The following TNNT2 variants were observed in gnomAD, a reference collection of about 807,000 sequenced individuals.
The protein encoded by TNNT2 is troponin T2, cardiac type, also known as troponin T, cardiac muscle.
A neutral mutation model predicts 62.4 loss-of-function variants in TNNT2; 34 were observed. That is an observed-to-expected ratio of 0.54 (90% confidence interval 0.41 to 0.72). TNNT2 has a LOEUF of 0.72. Among genes scored for constraint, TNNT2 ranks in the 30% least tolerant of loss-of-function variants. The probability of loss-of-function intolerance (pLI) is 0.00; values close to 1 mark genes in which losing one functional copy is unlikely to be tolerated. For synonymous variants in TNNT2, 123 were observed against 127.2 expected (o/e 0.97, Z 0.22); for missense variants, 275 against 381.9 (o/e 0.72, Z 2.33).
chr1:201,369,962 G>T, intron 4 of TNNT2, 117 bp from the exon 5 acceptor site: 1 of 1,163,972 alleles, frequency 8.6e-7, no homozygotes, highest in Non-Finnish European at 1.3e-6. Flanking sequence ...TGTGGGCTTT[G>T]GAGTTAGGCC....
intron 8 of TNNT2, chr1:201,366,536 G>T: frequency 1.6e-6 from 2 of 1,279,184 alleles, no homozygotes; most frequent in Non-Finnish European, 2.0e-6. Context: ...ATGGAGGAGG[G>T]TGTTCTGGCC....
chr1:201,366,279 G>A, intron 8 of TNNT2: 1 of 1,024,452 alleles, frequency 9.8e-7, no homozygotes, highest in Non-Finnish European at 1.2e-6. Context: ...AATGGGAAGA[G>A]CCTGTGAGTG....
rs1297943105 is a variant in TNNT2, at chr1:201,361,458, C to T, written c.720-89G>A. The T allele has an allele frequency of 3.2e-6, 4 of 1,241,430 alleles. No individual in the cohort carries two copies. The African/African-American group carries it at 4.4e-5, about 14-fold the overall frequency. 76.9% of individuals were successfully genotyped at this position (1,241,430 alleles called of 1,614,324 possible). Reference sequence around the variant, plus strand: ...TGGTCCCGGCCCAGCCCCCAGCATCCCAGCCCTCCTTCCCACCTCCAGGCC... The same window carrying T: ...TGGTCCCGGCCCAGCCCCCAGCATCTCAGCCCTCCTTCCCACCTCCAGGCC... On this transcript the variant is annotated intron_variant, in intron 14 of 16. Transcript: ENST00000656932.
chr1:201,375,184 C>A (rs1291179107), intron 1 of TNNT2: 2 of 152,278 alleles, frequency 1.3e-5, no homozygotes, highest in Non-Finnish European at 1.5e-5. Flanking sequence ...GGGGTGATGT[C>A]CAGAGGCTGA....
chr1:201,367,820 G>A lies in TNNT2; in HGVS notation c.164-14C>T, dbSNP rs778709814. On this transcript the variant is annotated splice_polypyrimidine_tract_variant and intron_variant, in intron 6 of 16. Transcript: ENST00000656932. ...CTTCTTCATCTTCTAAATGAAACAC[G>A]AGAAATCAATCAAGGTCCTTGTTCT... The A allele has an allele frequency of 1.2e-5, 19 of 1,613,874 alleles. No individual in the cohort carries two copies. Among genetic ancestry groups the A allele is most frequent in the Admixed American group, 3.3e-5 (2 of 59,998 alleles).
chr1:201,362,425 A>G, intron 12 of TNNT2, 31 bp from the exon 13 acceptor site: 3 of 1,613,032 alleles, frequency 1.9e-6, no homozygotes, highest in South Asian at 1.1e-5. Flanking sequence ...AGAGAGGCCC[A>G]TAGAAAAAGA....
At position 201,366,766 on chromosome 1, in the gene TNNT2, C is replaced by T. The variant is rs1659729062; in HGVS notation, c.233+72G>A. 8 of 1,613,030 alleles carry T rather than the reference C, an allele frequency of 5.0e-6. No homozygotes were observed. In the East Asian group the frequency reaches 1.8e-4, roughly 36 times the overall value. ...AGCCCGTGTCCACTGCACCATACTG[C>T]ACCCCGTTCCATCATCATCCTCTCT... On this transcript the variant is annotated intron_variant, in intron 8 of 16. Coordinates refer to ENST00000656932, the MANE Select transcript of TNNT2 (RefSeq NM_001276345.2).
intron 8 of TNNT2, 40 bp from the exon 9 acceptor site, chr1:201,365,710 G>C: frequency 6.2e-7 from 1 of 1,609,084 alleles, no homozygotes; most frequent in Non-Finnish European, 8.5e-7. Context: ...CCCCATTCTG[G>C]ACCCAGGGAC....
Position 201,367,526 on chromosome 1 carries a change from C to A in TNNT2, c.199+245G>T, listed in dbSNP as rs527874799. On this transcript the variant is annotated intron_variant, in intron 7 of 16. Transcript: ENST00000656932. ...CTGGGTCCCATTGCTCTGTCCAGAC[C>A]AGGGGGCTGGACAATGGTCCCCTCT... 443 of 616,374 alleles carry A rather than the reference C, an allele frequency of 7.2e-4. 1 individual carries two copies. In the African/African-American group the frequency reaches 7.4e-3, roughly 10 times the overall value. 38.2% of individuals were successfully genotyped at this position (616,374 alleles called of 1,614,324 possible).
At chr1:201,369,997 C>A in intron 4 of TNNT2, 152 bp from the exon 5 acceptor site, 1 of 818,056 alleles carries the variant, frequency 1.2e-6, no homozygotes. Context: ...CAAGCCACTA[C>A]TTTCCAGCAA....
chr1:201,359,357 C>T, intron 16 of TNNT2, 102 bp from the exon 17 acceptor site: 1 of 1,421,692 alleles, frequency 7.0e-7, no homozygotes, highest in Non-Finnish European at 9.7e-7. Context: ...GAGGAGCAGG[C>T]TGGAGCTGCC....
At chr1:201,373,975 C>T (rs559303156) in intron 1 of TNNT2, 6 of 155,346 alleles carry the variant, frequency 3.9e-5, no homozygotes, top group African/African-American at 1.4e-4. Flanking sequence ...ATAAATAAAT[C>T]AAAGCACACA....
At chr1:201,364,465 T>C (rs778104626) in intron 10 of TNNT2, 90 bp from the exon 11 acceptor site, 19 of 1,368,518 alleles carry the variant, frequency 1.4e-5, no homozygotes, top group Non-Finnish European at 1.8e-5. Context: ...GCAAGGGAAT[T>C]CCTGGGGGAG....
intron 8 of TNNT2, 86 bp from the exon 9 acceptor site, chr1:201,365,756 C>A: frequency 6.4e-7 from 1 of 1,572,506 alleles, no homozygotes; most frequent in Non-Finnish European, 8.6e-7. Context: ...CCTGATCCTT[C>A]CTAGAGAATC....
chr1:201,369,462 C>T (rs1660247261), intron 5 of TNNT2: 1 of 489,282 alleles, frequency 2.0e-6, no homozygotes, highest in Non-Finnish European at 4.2e-6. Context: ...GCATGGAACA[C>T]TGGGGTGTGC....
intron 13 of TNNT2, 31 bp from the exon 14 acceptor site, chr1:201,362,053 C>A (rs367867793): frequency 7.5e-5 from 120 of 1,608,808 alleles, no homozygotes; most frequent in Non-Finnish European, 1.0e-4. Context: ...AGTAAACTGG[C>A]CAGATTGCCC....
intron 8 of TNNT2, 55 bp downstream of exon 8, chr1:201,366,783 A>G: frequency 1.2e-6 from 2 of 1,613,460 alleles, no homozygotes; most frequent in Non-Finnish European, 1.7e-6. Flanking sequence ...TTCCATCATC[A>G]TCCTCTCTCC....
chr1:201,368,419 C>T, intron 5 of TNNT2, 192 bp from the exon 6 acceptor site: 1 of 665,100 alleles, frequency 1.5e-6, no homozygotes, highest in Non-Finnish European at 2.7e-6. Flanking sequence ...TCCCGCCACC[C>T]AGCTTAGCCC....
intron 2 of TNNT2, among the ~76,000 whole-genome samples, chr1:201,372,551 CT>C (rs1201069482): frequency 1.3e-5 from 2 of 152,236 alleles, no homozygotes; most frequent in African/African-American, 2.4e-5. Context: ...ATTCCAGCCC[CT>C]GATCTCCCTC....
Sources: gnomAD v4.1 joint callset for allele counts (sites outside exome capture counted in the v4.1 genomes callset) on GRCh38, gnomAD v4.1.1 for gene constraint, MANE v1.5 for transcripts, NCBI Gene and HGNC (gene_info 2026-07-23, HGNC 2026-07-21) for gene names.